Variants in OPTN observed in about 807,000 individuals in gnomAD.
The protein encoded by OPTN is E3-14.7K-interacting protein.
In OPTN, 54 loss-of-function variants were observed where a neutral mutation model predicts 70.4. That is an observed-to-expected ratio of 0.77 (90% confidence interval 0.62 to 0.96). The LOEUF (loss-of-function observed/expected upper bound fraction) is 0.96. OPTN is among the 40% of genes least tolerant of loss of function. The pLI is 0.00. For missense variants in OPTN, 624 were observed against 673.2 expected (o/e 0.93, Z 0.81); for synonymous variants, 256 against 248.5 (o/e 1.03, Z -0.28).
chr10:13,117,152 C>T (rs1405439832), intron 6 of OPTN, among the ~76,000 whole-genome samples: 1 of 145,256 alleles, frequency 6.9e-6, no homozygotes, highest in Non-Finnish European at 1.5e-5. Context: ...GTGATCTCGG[C>T]TCACTGCAAG....
At chr10:13,118,844 T>C (rs1833277790) in intron 6 of OPTN, 44 bp from the exon 7 acceptor site, 1 of 1,582,558 alleles carries the variant, frequency 6.3e-7, no homozygotes, top group Non-Finnish European at 8.7e-7. Flanking sequence ...TCTTAGTCTT[T>C]GGAATTTTTC....
At position 13,127,958 on chromosome 10, in the gene OPTN, G is replaced by A. The variant is rs1046912753; in HGVS notation, c.1401+55G>A. ...CGAGGCCAGCCCTGACTGTATTCTC[G>A]CATTGGAAAGCAATGGTGTTTAGAA... On this transcript the variant is annotated intron_variant, in intron 12 of 14. Transcript: ENST00000378747. 33 of 1,555,514 alleles carry A rather than the reference G, an allele frequency of 2.1e-5. No homozygotes were observed. In the South Asian group the frequency reaches 2.3e-4, roughly 11 times the overall value.
Position 13,128,502 on chromosome 10 carries a change from C to CTTTTTTTT in OPTN, c.1401+624_1401+631dup, listed in dbSNP as rs56147136. Among the ~76,000 whole-genome samples the CTTTTTTTT allele has an allele frequency of 6.7e-3, 224 of 33,400 alleles. 45 individuals are homozygous for CTTTTTTTT. Among genetic ancestry groups the CTTTTTTTT allele is most frequent in the African/African-American group, 0.01 (63 of 6,124 alleles). The allele number at this position is 33,400 out of a possible 152,430, so 21.9% of individuals were successfully genotyped here. On this transcript the variant is annotated intron_variant, in intron 12 of 14. Coordinates refer to ENST00000378747, the MANE Select transcript of OPTN (RefSeq NM_001008212.2). Reference sequence around the variant, plus strand: ...TTGTGAAGTGCCTTATCAAGCCTGCCTTTTTTTTTTTTTTTTTTTTTTTTT... The same window carrying CTTTTTTTT: ...TTGTGAAGTGCCTTATCAAGCCTGCCTTTTTTTTTTTTTTTTTTTTTTTTTTTTTTTTT...
At chr10:13,127,103 G>T (rs897623843) in intron 11 of OPTN, among the ~76,000 whole-genome samples, 1 of 152,174 alleles carries the variant, frequency 6.6e-6, no homozygotes, top group African/African-American at 2.4e-5. Context: ...TTGTGAATTA[G>T]AAGGGATCTT....
intron 7 of OPTN, among the ~76,000 whole-genome samples, chr10:13,120,887 A>G (rs1414621765): frequency 6.6e-6 from 1 of 152,196 alleles, no homozygotes; most frequent in African/African-American, 2.4e-5. Context: ...AGGCCTTGGG[A>G]AACCTAACAA....
intron 1 of OPTN, chr10:13,104,762 A>C (rs1832827563): frequency 1.6e-6 from 1 of 641,786 alleles, no homozygotes; most frequent in African/African-American, 1.8e-5. Context: ...CTTCTTGTCC[A>C]TAAATCCCTT....
intron 12 of OPTN, among the ~76,000 whole-genome samples, chr10:13,129,014 C>T (rs1833534076): frequency 6.6e-6 from 1 of 151,866 alleles, no homozygotes; most frequent in African/African-American, 2.4e-5. Context: ...TTTTTGTGTC[C>T]TGTTTAAGAA....
chr10:13,126,105 A>G (rs1164019079), intron 11 of OPTN, 66 bp downstream of exon 11: 4 of 949,722 alleles, frequency 4.2e-6, no homozygotes, highest in East Asian at 2.4e-5. Flanking sequence ...CGTTTTGTAT[A>G]TAAAATAGTT....
At position 13,125,396 on chromosome 10, in the gene OPTN, ATGAAATCTTGACCTTTCTTAG is replaced by A; in HGVS notation, c.999-21_999-1del. 6.2e-7 allele frequency: 1 copy of A among 1,613,916 alleles called. No individual in the cohort carries two copies. The highest frequency in any genetic ancestry group is 8.5e-7 in the Non-Finnish European group (1 of 1,179,870). ...ACGTAAAGGAGCATTGTTTATCCTC[ATGAAATCTTGACCTTTCTTAG>A]GTGTCAGGCCCTTGAAAGGAAAAAT... On this transcript the variant is annotated splice_acceptor_variant and splice_polypyrimidine_tract_variant and intron_variant, in intron 9 of 14. Transcript: ENST00000378747. LOFTEE classifies it high-confidence loss of function.
intron 12 of OPTN, 140 bp downstream of exon 12, chr10:13,128,043 T>C: frequency 1.0e-6 from 1 of 967,896 alleles, no homozygotes; most frequent in South Asian, 1.4e-5. Flanking sequence ...AACTTTAAAA[T>C]TGAAACATTT....
chr10:13,113,090 C>T (rs556056821), intron 5 of OPTN, among the ~76,000 whole-genome samples: 6 of 152,246 alleles, frequency 3.9e-5, no homozygotes, highest in South Asian at 2.1e-4. Context: ...GATGTGATCT[C>T]GGCTCACTGC....
chr10:13,122,481 G>A lies in OPTN; in HGVS notation c.876G>A (p.Pro292=), dbSNP rs151065414. Residue 292 remains proline, a synonymous_variant, in exon 8 of 15, where the codon CCG becomes CCA. Coordinates refer to ENST00000378747, the MANE Select transcript of OPTN (RefSeq NM_001008212.2). ...TEKENDEEKG[P]ETVGSEVEAL... ...AAGAGAATGATGAAGAGAAAGGCCC[G>A]GAGACTGTGAGTCCTAAGATTCCAC... 2.4e-4 allele frequency: 380 copies of A among 1,610,656 alleles called. No homozygotes were observed. The African/African-American group carries it at 3.5e-3, about 15-fold the overall frequency.
At chr10:13,134,478 G>A (rs1033662609) in intron 14 of OPTN, among the ~76,000 whole-genome samples, 1 of 152,026 alleles carries the variant, frequency 6.6e-6, no homozygotes, top group African/African-American at 2.4e-5. Context: ...TCTTGCCCAG[G>A]CTGGAGTGCA....
intron 10 of OPTN, 74 bp downstream of exon 10, chr10:13,125,641 C>G: frequency 6.4e-7 from 1 of 1,565,394 alleles, no homozygotes; most frequent in Non-Finnish European, 8.8e-7. Context: ...GATTGGAATT[C>G]GGATTTGAGA....
intron 1 of OPTN, chr10:13,104,781 C>T (rs933070166): frequency 2.8e-5 from 16 of 574,722 alleles, no homozygotes; most frequent in Non-Finnish European, 4.9e-5. Flanking sequence ...TTCTAGCCAT[C>T]TGGTTAGAAC....
Position 13,112,604 on chromosome 10 carries a change from C to A in OPTN, c.521C>A (p.Ser174Ter). Residue 174 changes from serine (S) to a stop codon, truncating the protein, a stop_gained, in exon 5 of 15, where the codon TCA becomes TAA. Coordinates refer to ENST00000378747, the MANE Select transcript of OPTN (RefSeq NM_001008212.2). LOFTEE classifies it high-confidence loss of function. ...LQLKLNSSGS[S>*]EDSFVEIRMA... ...CTCAAGCTGAACTCCAGCGGCTCCTCAGAAGATTCCTTTGTTGAAATTAGG... is the reference window on the plus strand; with the variant it reads ...CTCAAGCTGAACTCCAGCGGCTCCTAAGAAGATTCCTTTGTTGAAATTAGG... The A allele has an allele frequency of 6.2e-7, 1 of 1,614,158 alleles. No homozygotes were observed. The highest frequency in any genetic ancestry group is 1.1e-5 in the South Asian group (1 of 91,080).
intron 7 of OPTN, among the ~76,000 whole-genome samples, chr10:13,119,960 T>A (rs529464769): frequency 6.6e-6 from 1 of 151,960 alleles, no homozygotes; most frequent in East Asian, 1.9e-4. Context: ...ATTAAATATA[T>A]GATCTGCAAC....
chr10:13,107,808 C>T (rs1211529237), intron 1 of OPTN, among the ~76,000 whole-genome samples: 3 of 152,152 alleles, frequency 2.0e-5, no homozygotes, highest in East Asian at 3.9e-4. Context: ...ACAGCGTCAG[C>T]GGGGAGGAGT....
intron 8 of OPTN, chr10:13,122,953 A>G: frequency 5.1e-6 from 1 of 197,070 alleles, no homozygotes; most frequent in South Asian, 1.0e-4. Flanking sequence ...GGGATTACAG[A>G]TATGAGCCAC....
Sources: gnomAD v4.1 joint callset for allele counts (sites outside exome capture counted in the v4.1 genomes callset) on GRCh38, gnomAD v4.1.1 for gene constraint, MANE v1.5 for transcripts, NCBI Gene and HGNC (gene_info 2026-07-23, HGNC 2026-07-21) for gene names.